SSX3: variants seen among roughly 807,000 people sequenced by gnomAD.
The protein encoded by SSX3 is protein SSX3.
Under a neutral mutation model 14.8 loss-of-function variants are expected in SSX3, and 6 were observed. The ratio of observed to expected loss-of-function variants is 0.41; its 90% CI spans 0.22 to 0.80. The LOEUF (loss-of-function observed/expected upper bound fraction) is 0.80. Among genes scored for constraint, SSX3 ranks in the 30% least tolerant of loss-of-function variants. The pLI is 0.34. For missense variants in SSX3, 163 were observed against 152.2 expected (o/e 1.07, Z -0.37); for synonymous variants, 55 against 52.9 (o/e 1.04, Z -0.18).
chrX:48,352,842 CT>C (rs1364964191), intron 4 of SSX3, among the ~76,000 whole-genome samples: 5 of 112,092 alleles, frequency 4.5e-5, no homozygotes, highest in African/African-American at 1.6e-4. Context: ...AAGAACCTGT[CT>C]TTTTTTCATC....
At chrX:48,351,133 TAC>T (rs2061261150) in intron 5 of SSX3, among the ~76,000 whole-genome samples, 1 of 111,987 alleles carries the variant, frequency 8.9e-6, no homozygotes, top group Non-Finnish European at 1.9e-5. Context: ...TAAAATAGGC[TAC>T]AAGAAAGTGC....
chrX:48,346,948 G>A lies in SSX3; in HGVS notation c.*92C>T, dbSNP rs1230677127. ...ACTTGCTTTCACTTGCTATGCACCT[G>A]ATGACGAGGGGTCCACAGCCATGCC... On this transcript the variant is annotated 3_prime_UTR_variant, in exon 8 of 8. Transcript: ENST00000298396. 1 of 1,188,477 alleles carries A rather than the reference G, an allele frequency of 8.4e-7. No homozygotes were observed. Among genetic ancestry groups the A allele is most frequent in the African/African-American group, 1.8e-5 (1 of 56,626 alleles).
intron 1 of SSX3, among the ~76,000 whole-genome samples, chrX:48,355,783 CT>C (rs1421965664): frequency 5.3e-4 from 59 of 111,757 alleles, no homozygotes; most frequent in African/African-American, 1.9e-3. Flanking sequence ...TGTTCAGAGG[CT>C]ATTACTGGGT....
At position 48,350,039 on chromosome X, in the gene SSX3, C is replaced by T. The variant is rs1601981076; in HGVS notation, c.414G>A (p.Gln138=). The T allele has an allele frequency of 1.7e-6, 2 of 1,211,996 alleles. No individual in the cohort carries two copies. Among genetic ancestry groups the T allele is most frequent in the Non-Finnish European group, 2.2e-6 (2 of 895,575 alleles). ...TAGTTGGTTTTCCCGGGGGGCACAG[C>T]TGTTTCCCATCGTTTTGTGGGCCAG... The part of the protein sequence containing the change: ...EASGPQNDGK[Q]LCPPGKPTTS... The change falls in exon 6 of 8, where the codon CAG becomes CAA. Residue 138 remains glutamine, a synonymous_variant. Transcript: ENST00000298396.
In SSX3 at chrX:48,346,998, T is replaced by A; in HGVS notation, c.*42A>T. 8.3e-7 allele frequency: 1 copy of A among 1,198,177 alleles called. No individual in the cohort carries two copies. The highest frequency in any genetic ancestry group is 2.2e-5 in the Admixed American group (1 of 46,009). ...CCATGTTCGTGAAAGGTCACCACGT[T>A]CTGCTTCTCATCATGGGCATGTGTC... On this transcript the variant is annotated 3_prime_UTR_variant, in exon 8 of 8. Coordinates refer to ENST00000298396, the MANE Select transcript of SSX3 (RefSeq NM_021014.4).
rs1476907546 is a variant in SSX3, at chrX:48,354,654, C to G, written c.162G>C (p.Lys54Asn). The change falls in exon 3 of 8, where the codon AAG (lysine) becomes AAC (asparagine). Residue 54 changes from lysine to asparagine, a missense_variant. By Grantham distance (94) the Lys-to-Asn change is moderately conservative (BLOSUM62 0). Coordinates refer to ENST00000298396, the MANE Select transcript of SSX3 (RefSeq NM_021014.4). ...EKIVYVYMKR[K>N]YEAMTKLGFK... is the part of the protein sequence containing the mutation. ...TACCTAGTTTAGTCATGGCCTCATA[C>G]TTTCTCTTCATATACACATAGACGA... is the stretch of plus-strand genomic sequence containing the variant. The G allele has an allele frequency of 7.5e-6, 9 of 1,207,404 alleles. No homozygotes were observed. Among genetic ancestry groups the G allele is most frequent in the Non-Finnish European group, 1.0e-5 (9 of 892,844 alleles).
chrX:48,353,615 A>G (rs2061272543), intron 4 of SSX3, among the ~76,000 whole-genome samples: 1 of 110,850 alleles, frequency 9.0e-6, no homozygotes, highest in Non-Finnish European at 1.9e-5. Context: ...AGAAGAGTGA[A>G]ACTCCATCTC....
intron 4 of SSX3, among the ~76,000 whole-genome samples, chrX:48,353,431 C>A (rs1232036689): frequency 9.0e-6 from 1 of 110,831 alleles, no homozygotes; most frequent in East Asian, 2.8e-4. Context: ...TTGAGACCAG[C>A]CTGGCCAACA....
chrX:48,354,285 CAAAA>C (rs370532904), intron 3 of SSX3, among the ~76,000 whole-genome samples, 191 bp from the exon 4 acceptor site: 3 of 40,026 alleles, frequency 7.5e-5, no homozygotes, highest in African/African-American at 1.9e-4. Flanking sequence ...CTGACTCAAA[CAAAA>C]AAAAAAAAAA....
At chrX:48,347,322 A>T (rs1271259132) in intron 7 of SSX3, among the ~76,000 whole-genome samples, 178 bp downstream of exon 7, 2 of 112,544 alleles carry the variant, frequency 1.8e-5, no homozygotes, top group South Asian at 7.4e-4. Flanking sequence ...ATCCCTGGAT[A>T]TATACAGGGC....
intron 3 of SSX3, 118 bp downstream of exon 3, chrX:48,354,513 AT>A (rs1394945695): frequency 1.1e-4 from 92 of 869,020 alleles, no homozygotes; most frequent in Non-Finnish European, 1.2e-4. Context: ...CTGCCTTGCG[AT>A]TTTTCCCTAC....
Position 48,356,698 on chromosome X carries a change from A to G in SSX3, c.-85T>C, listed in dbSNP as rs1556951176. 9.0e-6 allele frequency: 1 copy of G among 111,296 alleles called. No homozygotes were observed. The highest frequency in any genetic ancestry group is 3.3e-5 in the African/African-American group (1 of 30,579). The allele number at this position is 111,296 out of a possible 1,213,427, so 9.2% of individuals were successfully genotyped here. ...CGTACTCTTGAGTATGGAAGAATCGAAAGAGAGAGAAAATCAGAGCATGCG... is the reference window on the plus strand; with the variant it reads ...CGTACTCTTGAGTATGGAAGAATCGGAAGAGAGAGAAAATCAGAGCATGCG... On this transcript the variant is annotated 5_prime_UTR_variant, in exon 1 of 8. Coordinates refer to ENST00000298396, the MANE Select transcript of SSX3 (RefSeq NM_021014.4).
At chrX:48,351,347 A>G (rs191628840) in intron 5 of SSX3, among the ~76,000 whole-genome samples, 1 of 111,523 alleles carries the variant, frequency 9.0e-6, no homozygotes, top group African/African-American at 3.3e-5. Context: ...GGGGCTTCCC[A>G]GACGCCCCAG....
intron 6 of SSX3, chrX:48,349,731 T>TC (rs1556949210): frequency 8.8e-7 from 1 of 1,138,705 alleles, no homozygotes; most frequent in African/African-American, 1.8e-5. Context: ...GATTCTTTAT[T>TC]TCCATCTTAT....
intron 3 of SSX3, 58 bp from the exon 4 acceptor site, chrX:48,354,152 C>T: frequency 9.7e-7 from 1 of 1,033,927 alleles, no homozygotes; most frequent in Non-Finnish European, 1.4e-6. Flanking sequence ...GGTACGGTGG[C>T]TCATGTCTGT....
intron 4 of SSX3, among the ~76,000 whole-genome samples, chrX:48,353,052 C>A (rs1341016947): frequency 4.5e-5 from 5 of 111,133 alleles, no homozygotes; most frequent in Non-Finnish European, 9.4e-5. Flanking sequence ...TCCTAAGATA[C>A]CTATCCAATA....
At chrX:48,347,962 AT>A (rs34896249) in intron 6 of SSX3, among the ~76,000 whole-genome samples, 24 of 107,873 alleles carry the variant, frequency 2.2e-4, no homozygotes, top group Non-Finnish European at 2.9e-4. Flanking sequence ...AGATGCTGCA[AT>A]TTTTTTTTTT....
chrX:48,350,760 GCTTT>G (rs1337156526), intron 5 of SSX3, among the ~76,000 whole-genome samples: 4 of 107,947 alleles, frequency 3.7e-5, no homozygotes, highest in Non-Finnish European at 5.7e-5. Context: ...ATCTTAAGCT[GCTTT>G]CTTTTTCTTT....
chrX:48,353,529 G>A (rs1268783844), intron 4 of SSX3, among the ~76,000 whole-genome samples: 1 of 111,347 alleles, frequency 9.0e-6, no homozygotes, highest in Non-Finnish European at 1.9e-5. Context: ...GGAGGCTGAG[G>A]CAGAAGAATC....
Sources: allele counts gnomAD v4.1 joint callset (sites outside exome capture counted in the v4.1 genomes callset), GRCh38; gene constraint gnomAD v4.1.1; transcripts MANE v1.5; gene names NCBI Gene and HGNC (gene_info 2026-07-23, HGNC 2026-07-21).